The following CD44 variants were observed in gnomAD, a reference collection of about 807,000 sequenced individuals.
CD44 encodes CD44 molecule (IN blood group), also known as CD44 antigen.
CD44 carries 49 observed loss-of-function variants against 88.8 expected under a neutral mutation model. The ratio of observed to expected loss-of-function variants is 0.55; its 90% CI spans 0.44 to 0.70. The LOEUF is 0.70. Among genes scored for constraint, CD44 ranks in the 30% least tolerant of loss-of-function variants. CD44 has a pLI of 0.00. For synonymous variants in CD44, 325 were observed against 312.3 expected (o/e 1.04, Z -0.43); for missense variants, 883 against 913.8 (o/e 0.97, Z 0.43).
intron 15 of CD44, among the ~76,000 whole-genome samples, chr11:35,217,308 C>T (rs1174358301): frequency 7.5e-5 from 11 of 147,572 alleles, no homozygotes; most frequent in East Asian, 2.0e-4. Flanking sequence ...GATTATGATC[C>T]GTTAATGGCC....
chr11:35,190,754 A>G (rs1946187885), intron 5 of CD44, among the ~76,000 whole-genome samples: 1 of 152,278 alleles, frequency 6.6e-6, no homozygotes, highest in Non-Finnish European at 1.5e-5. Context: ...CCAAGGAAGC[A>G]TATCTGGAAG....
At chr11:35,180,977 A>G (rs529229369) in intron 3 of CD44, among the ~76,000 whole-genome samples, 1 of 152,318 alleles carries the variant, frequency 6.6e-6, no homozygotes, top group South Asian at 2.1e-4. Flanking sequence ...CTGTTCTGAG[A>G]ATATCAGTGC....
intron 17 of CD44, among the ~76,000 whole-genome samples, chr11:35,228,276 T>C (rs1166847398): frequency 2.6e-5 from 4 of 152,228 alleles, no homozygotes; most frequent in Non-Finnish European, 1.5e-5. Context: ...TTAACGAGAA[T>C]AATTTGTCTT....
At chr11:35,176,782 T>G in intron 2 of CD44, 42 bp downstream of exon 2, 6 of 1,591,278 alleles carry the variant, frequency 3.8e-6, no homozygotes, top group Non-Finnish European at 5.1e-6. Context: ...GCTGGCGGCC[T>G]GGGACCAGGC....
chr11:35,163,670 C>T (rs1427599906), intron 1 of CD44, among the ~76,000 whole-genome samples: 1 of 152,166 alleles, frequency 6.6e-6, no homozygotes, highest in Non-Finnish European at 1.5e-5. Flanking sequence ...TTCTCCCTGT[C>T]TTCTTTGGTC....
chr11:35,188,560 A>G (rs973709093), intron 4 of CD44, among the ~76,000 whole-genome samples: 11 of 152,156 alleles, frequency 7.2e-5, no homozygotes, highest in Admixed American at 7.2e-4. Flanking sequence ...GTGGTCAACA[A>G]TATTTCCTTG....
At chr11:35,165,149 C>G (rs1943120296) in intron 1 of CD44, among the ~76,000 whole-genome samples, 1 of 152,172 alleles carries the variant, frequency 6.6e-6, no homozygotes, top group Non-Finnish European at 1.5e-5. Context: ...CTCCAGCCCC[C>G]ATTAGCTCAG....
At chr11:35,212,408 T>G (rs1326868924) in intron 14 of CD44, 2 of 152,146 alleles carry the variant, frequency 1.3e-5, no homozygotes, top group Admixed American at 1.3e-4. Flanking sequence ...TATAATTTTT[T>G]TTTTTGAGAC....
At chr11:35,215,122 A>G (rs747877305) in intron 15 of CD44, 25 of 394,046 alleles carry the variant, frequency 6.3e-5, no homozygotes, top group Non-Finnish European at 1.0e-4. Flanking sequence ...GAGCCCAAGC[A>G]TTTGCATTTC....
chr11:35,207,088 G>A (rs1381473474), intron 11 of CD44, among the ~76,000 whole-genome samples: 1 of 152,206 alleles, frequency 6.6e-6, no homozygotes, highest in Non-Finnish European at 1.5e-5. Flanking sequence ...ATCATCAAGT[G>A]GGACTTTTTC....
intron 1 of CD44, among the ~76,000 whole-genome samples, chr11:35,173,817 G>A: frequency 6.6e-6 from 1 of 152,278 alleles, no homozygotes; most frequent in East Asian, 1.9e-4. Context: ...TTATTTAACA[G>A]TTGTTTAGGT....
chr11:35,167,157 T>G (rs575432315), intron 1 of CD44, among the ~76,000 whole-genome samples: 1 of 152,378 alleles, frequency 6.6e-6, no homozygotes, highest in South Asian at 2.1e-4. Flanking sequence ...GTGGCTTTTT[T>G]GAGAGCAGCT....
intron 17 of CD44, among the ~76,000 whole-genome samples, chr11:35,223,732 A>C (rs918486276): frequency 6.6e-6 from 1 of 152,198 alleles, no homozygotes; most frequent in Admixed American, 6.5e-5. Flanking sequence ...ACGCAGCTAA[A>C]AGGTGGTGAA....
chr11:35,157,787 G>A (rs573859710), intron 1 of CD44, among the ~76,000 whole-genome samples: 1 of 152,346 alleles, frequency 6.6e-6, no homozygotes, highest in African/African-American at 2.4e-5. Flanking sequence ...CTCAGGATAA[G>A]TGTGAGGGAT....
chr11:35,197,025 G>A, intron 6 of CD44, 151 bp downstream of exon 6: 1 of 705,710 alleles, frequency 1.4e-6, no homozygotes, highest in Non-Finnish European at 2.3e-6. Flanking sequence ...TCTGGTATCT[G>A]TTTGTTTGCT....
rs1345028830 is a variant in CD44, at chr11:35,198,578, C to T, written c.922+332C>T. 2.4e-5 allele frequency: 5 copies of T among 209,394 alleles called. No homozygotes were observed. In the East Asian group the frequency reaches 5.5e-4, roughly 23 times the overall value. 13.0% of individuals were successfully genotyped at this position (209,394 alleles called of 1,614,324 possible). Reference sequence around the variant, plus strand: ...AAATGTACATTGTGTACTTACTGTGCTAGGTGCTGGAAACACGAAGATGAA... The same window carrying T: ...AAATGTACATTGTGTACTTACTGTGTTAGGTGCTGGAAACACGAAGATGAA... On this transcript the variant is annotated intron_variant, in intron 7 of 17. Transcript: ENST00000428726.
At chr11:35,223,017 G>A in intron 17 of CD44, 1 of 985,388 alleles carries the variant, frequency 1.0e-6, no homozygotes, top group Non-Finnish European at 1.2e-6. Flanking sequence ...AAAATCAAAT[G>A]ATGCTGTTAC....
intron 1 of CD44, among the ~76,000 whole-genome samples, chr11:35,175,912 C>T (rs1370735052): frequency 3.4e-5 from 5 of 146,472 alleles, no homozygotes; most frequent in African/African-American, 1.3e-4. Context: ...GTCACCCAGG[C>T]TGGAGTGTAG....
At chr11:35,187,386 G>A (rs1945791084) in intron 4 of CD44, among the ~76,000 whole-genome samples, 1 of 152,070 alleles carries the variant, frequency 6.6e-6, no homozygotes. Flanking sequence ...CTGCTCTCTG[G>A]TTTACACTCA....
Sources: gnomAD v4.1 joint callset for allele counts (sites outside exome capture counted in the v4.1 genomes callset) on GRCh38, gnomAD v4.1.1 for gene constraint, MANE v1.5 for transcripts, NCBI Gene and HGNC (gene_info 2026-07-23, HGNC 2026-07-21) for gene names.